Variants in ADPGK observed in about 807,000 individuals in gnomAD.
ADPGK encodes the protein ADP dependent glucokinase.
In ADPGK, 26 loss-of-function variants were observed where a neutral mutation model predicts 42.4. The ratio of observed to expected loss-of-function variants is 0.61; its 90% confidence interval spans 0.45 to 0.85. The LOEUF is 0.85. ADPGK is among the 40% of genes least tolerant of loss of function. ADPGK has a pLI of 0.00. For synonymous variants in ADPGK, 267 were observed against 252.6 expected, an observed-to-expected ratio of 1.06 and a Z score of -0.54; for missense variants, 571 against 627.0, an observed-to-expected ratio of 0.91 and a Z score of 0.95.
At position 72,771,841 on chromosome 15, in the gene ADPGK, T is replaced by C. The variant is rs762359456; in HGVS notation, c.464A>G (p.Tyr155Cys). The change falls in exon 3 of 7, where the codon TAT becomes TGT. Residue 155 changes from tyrosine (Y) to cysteine (C), a missense_variant. Tyr to Cys is a radical substitution (Grantham distance 194). Transcript: ENST00000456471. ...VASEFPGAQH[Y>C]VGGNAALIGQ... ...AATTAAAGCTGCATTTCCTCCTACATAGTGCTGTAAGAGAGTTCAAGGCTT... is the reference window on the plus strand; with the variant it reads ...AATTAAAGCTGCATTTCCTCCTACACAGTGCTGTAAGAGAGTTCAAGGCTT... The C allele has an allele frequency of 7.4e-6, 12 of 1,612,622 alleles. No homozygotes were observed. Among genetic ancestry groups the C allele is most frequent in the Admixed American group, 3.3e-5 (2 of 59,916 alleles).
intron 6 of ADPGK, among the ~76,000 whole-genome samples, chr15:72,754,086 GAAGTCTATCAAAAAAAAAAAAAACA>G (rs1377842925): frequency 6.9e-6 from 1 of 144,698 alleles, no homozygotes; most frequent in Non-Finnish European, 1.5e-5. Context: ...AAAAAAAAAT[GAAGTCTATCAAAAAAAAAAAAAACA>G]AAACCAACGA....
At chr15:72,768,975 CAA>C (rs35877343) in intron 3 of ADPGK, among the ~76,000 whole-genome samples, 1 of 137,902 alleles carries the variant, frequency 7.3e-6, no homozygotes. Context: ...TCCTGTCTCT[CAA>C]AAAAAAAAAA....
At position 72,756,628 on chromosome 15, in the gene ADPGK, C is replaced by T. The variant is rs2066118549; in HGVS notation, c.644-181G>A. 1.1e-5 allele frequency: 7 copies of T among 644,076 alleles called. No individual in the cohort carries two copies. In the Admixed American group the frequency reaches 2.1e-4, roughly 19 times the overall value. The allele number at this position is 644,076 out of a possible 1,614,324, so 39.9% of individuals were successfully genotyped here. ...GGCACTGCAAGAAACAAACCAAAAACCTAAACCCAAACCCAGCCAAGAAAC... is the reference window on the plus strand; with the variant it reads ...GGCACTGCAAGAAACAAACCAAAAATCTAAACCCAAACCCAGCCAAGAAAC... On this transcript the variant is annotated intron_variant, in intron 4 of 6. Transcript: ENST00000456471.
chr15:72,774,792 G>T, intron 2 of ADPGK, 80 bp downstream of exon 2: 1 of 1,324,570 alleles, frequency 7.5e-7, no homozygotes, highest in Non-Finnish European at 1.0e-6. Context: ...GGAATGAAAA[G>T]TTGCTTGCTT....
chr15:72,763,768 C>A (rs2066224535), intron 3 of ADPGK, among the ~76,000 whole-genome samples: 1 of 152,170 alleles, frequency 6.6e-6, no homozygotes, highest in Non-Finnish European at 1.5e-5. Context: ...TTTGTGGCAA[C>A]CCTGTGGTCC....
At chr15:72,766,556 A>G (rs1298802390) in intron 3 of ADPGK, among the ~76,000 whole-genome samples, 1 of 152,200 alleles carries the variant, frequency 6.6e-6, no homozygotes, top group Non-Finnish European at 1.5e-5. Flanking sequence ...AATTGTGTAC[A>G]CTTTTTTTCA....
At chr15:72,771,915 T>G in intron 2 of ADPGK, 70 bp from the exon 3 acceptor site, 1 of 1,276,926 alleles carries the variant, frequency 7.8e-7, no homozygotes, top group Non-Finnish European at 1.1e-6. Context: ...AATCATTTTT[T>G]ATTTTAAAAA....
In ADPGK at chr15:72,755,623, C is replaced by G; in HGVS notation, c.872G>C (p.Gly291Ala). The change falls in exon 6 of 7, where the codon GGT becomes GCT. Residue 291 changes from glycine (G) to alanine (A), a missense_variant. Transcript: ENST00000456471. ...GGCCAGCTCTAGGTGAACTGGAATACCAGTGGGGATGTCAGAAATGGAGGT... is the reference window on the plus strand; with the variant it reads ...GGCCAGCTCTAGGTGAACTGGAATAGCAGTGGGGATGTCAGAAATGGAGGT... Reference protein sequence around the residue: ...VVTSISDIPTGIPVHLELASM... With the variant: ...VVTSISDIPTAIPVHLELASM... 1 of 1,613,934 alleles carries G rather than the reference C, an allele frequency of 6.2e-7. No individual in the cohort carries two copies. The highest frequency in any genetic ancestry group is 2.2e-5 in the East Asian group (1 of 44,872).
At chr15:72,765,031 C>T (rs921445193) in intron 3 of ADPGK, among the ~76,000 whole-genome samples, 3 of 151,558 alleles carry the variant, frequency 2.0e-5, no homozygotes, top group Non-Finnish European at 2.9e-5. Flanking sequence ...AGTATCACTG[C>T]TCATTGACAG....
At chr15:72,755,807 T>A in intron 5 of ADPGK, 153 bp from the exon 6 acceptor site, 1 of 656,480 alleles carries the variant, frequency 1.5e-6, no homozygotes, top group Non-Finnish European at 2.8e-6. Context: ...CCCCACCACC[T>A]CTGTGGACAA....
chr15:72,760,016 G>C (rs930975506), intron 4 of ADPGK, among the ~76,000 whole-genome samples: 1 of 152,228 alleles, frequency 6.6e-6, no homozygotes, highest in Non-Finnish European at 1.5e-5. Context: ...GAGTCAGTCA[G>C]AAAGGCCTAG....
chr15:72,783,153 G>A, intron 1 of ADPGK: 13 of 1,081,922 alleles, frequency 1.2e-5, no homozygotes, highest in Non-Finnish European at 1.5e-5. Flanking sequence ...GTCGCCAGAA[G>A]AGAAGGGGCT....
In ADPGK at chr15:72,752,659, C is replaced by G; in HGVS notation, c.1176G>C (p.Val392=). 6.2e-7 allele frequency: 1 copy of G among 1,614,220 alleles called. No homozygotes were observed. Among genetic ancestry groups the G allele is most frequent in the Non-Finnish European group, 8.5e-7 (1 of 1,180,040 alleles). ...CCAGCTGGTTGGCCCAGTGTCCATC[C>G]ACAGTTGCCAGGATGTGGTAGACCA... ...HTLVYHILAT[V]DGHWANQLAA... is the part of the protein sequence containing the mutation. The change falls in exon 7 of 7, where the codon GTG becomes GTC. Residue 392 remains valine, a synonymous_variant. Transcript: ENST00000456471.
intron 1 of ADPGK, among the ~76,000 whole-genome samples, chr15:72,782,527 C>CAAAAAAAAAAA (rs5813692): frequency 1.6e-5 from 1 of 61,276 alleles, no homozygotes; most frequent in African/African-American, 6.9e-5. Context: ...ACCCTGTGTC[C>CAAAAAAAAAAA]AAAAAAAAAA....
chr15:72,771,631 CCTA>C, intron 3 of ADPGK, 149 bp downstream of exon 3: 1 of 602,422 alleles, frequency 1.7e-6, no homozygotes, highest in South Asian at 2.2e-5. Flanking sequence ...ACTACTATCT[CCTA>C]CTATTACTGC....
chr15:72,769,514 T>G (rs1039837607), intron 3 of ADPGK, among the ~76,000 whole-genome samples: 2 of 152,160 alleles, frequency 1.3e-5, no homozygotes, highest in Non-Finnish European at 2.9e-5. Context: ...CCCAGCTAAT[T>G]CTTTGTATTT....
chr15:72,755,517 T>TATC, intron 6 of ADPGK, 39 bp downstream of exon 6: 1 of 1,512,486 alleles, frequency 6.6e-7, no homozygotes, highest in Non-Finnish European at 9.1e-7. Context: ...TGCAAGGCTC[T>TATC]ATGAGGATCA....
At chr15:72,774,749 C>G (rs2066369544) in intron 2 of ADPGK, 123 bp downstream of exon 2, 9 of 767,948 alleles carry the variant, frequency 1.2e-5, no homozygotes, top group Admixed American at 8.2e-5. Context: ...AGTTTTCAAC[C>G]AGGGGTGATT....
intron 4 of ADPGK, among the ~76,000 whole-genome samples, chr15:72,759,227 C>T (rs538117484): frequency 3.3e-5 from 5 of 152,206 alleles, no homozygotes; most frequent in Non-Finnish European, 7.3e-5. Context: ...TGAGCCACCA[C>T]GTGCGGCCAG....
Sources: allele counts gnomAD v4.1 joint callset (sites outside exome capture counted in the v4.1 genomes callset), GRCh38; gene constraint gnomAD v4.1.1; transcripts MANE v1.5; gene names NCBI Gene and HGNC (gene_info 2026-07-23, HGNC 2026-07-21).